The following ATXN2 variants were observed in gnomAD, a reference collection of about 807,000 sequenced individuals.
ATXN2 encodes ataxin 2.
ATXN2 carries 37 observed loss-of-function variants against 138.6 expected under a neutral mutation model. The observed-to-expected ratio is 0.27, with a 90% CI of 0.21 to 0.35. The LOEUF (loss-of-function observed/expected upper bound fraction) is 0.35. ATXN2 is among the 10% of genes least tolerant of loss of function. The pLI is 1.00. For synonymous variants in ATXN2, 549 were observed against 543.7 expected, an observed-to-expected ratio of 1.01 and a Z score of -0.13; for missense variants, 1,216 against 1,480.3, an observed-to-expected ratio of 0.82 and a Z score of 2.93.
At chr12:111,545,457 G>T (rs577323521) in intron 5 of ATXN2, among the ~76,000 whole-genome samples, 5 of 151,870 alleles carry the variant, frequency 3.3e-5, no homozygotes, top group Non-Finnish European at 7.4e-5. Flanking sequence ...TTAGCCGGGC[G>T]TGGTGGCAGG....
intron 3 of ATXN2, 91 bp downstream of exon 3, chr12:111,554,067 A>T: frequency 1.2e-6 from 1 of 856,760 alleles, no homozygotes; most frequent in Non-Finnish European, 1.8e-6. Flanking sequence ...AAGCAATGTT[A>T]CTTTGACAAT....
intron 1 of ATXN2, among the ~76,000 whole-genome samples, chr12:111,578,500 C>A (rs1883809527): frequency 6.6e-6 from 1 of 152,148 alleles, no homozygotes; most frequent in Admixed American, 6.6e-5. Context: ...ACATGCTATA[C>A]AGATTTGTAG....
chr12:111,547,353 G>A (rs943046987), intron 5 of ATXN2, among the ~76,000 whole-genome samples: 1 of 152,074 alleles, frequency 6.6e-6, no homozygotes, highest in African/African-American at 2.4e-5. Flanking sequence ...CTTGAACCTA[G>A]GAAGCAGAGG....
chr12:111,554,286 T>A, intron 2 of ATXN2, 69 bp from the exon 3 acceptor site: 1 of 1,131,698 alleles, frequency 8.8e-7, no homozygotes, highest in African/African-American at 1.6e-5. Flanking sequence ...TCTAAAATGC[T>A]TGGGACCAGA....
At chr12:111,523,651 A>C (rs1347179408) in intron 6 of ATXN2, among the ~76,000 whole-genome samples, 1 of 152,038 alleles carries the variant, frequency 6.6e-6, no homozygotes, top group Non-Finnish European at 1.5e-5. Flanking sequence ...ACTTGAACCC[A>C]GGAGGTGGAG....
chr12:111,561,250 T>C (rs1421031461), intron 1 of ATXN2, among the ~76,000 whole-genome samples: 1 of 151,360 alleles, frequency 6.6e-6, no homozygotes. Context: ...TCCCAGCACT[T>C]TGGGAGGCCA....
At chr12:111,521,020 C>T (rs1379257756) in intron 6 of ATXN2, 47 bp from the exon 7 acceptor site, 1 of 1,231,236 alleles carries the variant, frequency 8.1e-7, no homozygotes, top group Non-Finnish European at 1.2e-6. Context: ...AGTAGTTGTT[C>T]CCTTTCATTC....
chr12:111,588,030 C>G (rs1190088992), intron 1 of ATXN2, among the ~76,000 whole-genome samples: 1 of 151,614 alleles, frequency 6.6e-6, no homozygotes, highest in African/African-American at 2.4e-5. Context: ...ACTGAAAATA[C>G]AAAAAAACTA....
chr12:111,598,730 C>G lies in ATXN2; in HGVS notation c.251+54G>C. The G allele has an allele frequency of 1.8e-6, 2 of 1,091,156 alleles. No homozygotes were observed. Among genetic ancestry groups the G allele is most frequent in the Non-Finnish European group, 2.3e-6 (2 of 885,972 alleles). 67.6% of individuals were successfully genotyped at this position (1,091,156 alleles called of 1,614,324 possible). ...GGGGCGGGGACGGCGGCGCGGGCCG[C>G]GGGGGAGGGGACGCCGGGCCCGGAG... On this transcript the variant is annotated intron_variant, in intron 1 of 24. Coordinates refer to ENST00000673436, the MANE Select transcript of ATXN2 (RefSeq NM_001372574.1). The surrounding 1 kb of genome is among the most constrained non-coding windows in gnomAD (Gnocchi z 4.5).
chr12:111,516,313 G>A lies in ATXN2; in HGVS notation c.1216C>T (p.Arg406Cys), dbSNP rs767463925. 9 of 1,584,596 alleles carry A rather than the reference G, an allele frequency of 5.7e-6. No homozygotes were observed. Among genetic ancestry groups the A allele is most frequent in the African/African-American group, 2.7e-5 (2 of 72,858 alleles). Residue 406 changes from arginine to cysteine, a missense_variant, in exon 10 of 25, where the codon CGC (arginine) becomes TGC (cysteine). Around this residue, in one of 4 missense-constraint regions of ATXN2, gnomAD observed 401 missense variants for 528.1 expected, o/e 0.76. Transcript: ENST00000673436. This position sits in a 1 kb window ranked among gnomAD's most constrained non-coding sequence, Gnocchi z 5.0. ...CPSPSSRPPS[R>C]YQSGPNSLPP... ...AGAGAGTTGGGACCTGACTGGTAGC[G>A]AGAAGGTGGGCGAGAGGAAGGAGAT... is the stretch of plus-strand genomic sequence containing the variant.
chr12:111,496,454 T>C (rs888913078), intron 14 of ATXN2, among the ~76,000 whole-genome samples: 1 of 151,956 alleles, frequency 6.6e-6, no homozygotes, highest in African/African-American at 2.4e-5. Flanking sequence ...AAGAATCACT[T>C]GAACTGGGGA....
intron 5 of ATXN2, among the ~76,000 whole-genome samples, chr12:111,530,749 G>C (rs1299726420): frequency 1.3e-5 from 2 of 152,196 alleles, no homozygotes; most frequent in Non-Finnish European, 2.9e-5. Flanking sequence ...GGGAGGCAGA[G>C]CTTGCAGTGA....
intron 5 of ATXN2, among the ~76,000 whole-genome samples, chr12:111,537,417 T>A (rs1393812436): frequency 6.6e-6 from 1 of 151,290 alleles, no homozygotes; most frequent in Non-Finnish European, 1.5e-5. Flanking sequence ...CAACCCCGTC[T>A]TTACTAAAAA....
At chr12:111,494,425 C>CTTT (rs757341708) in intron 14 of ATXN2, among the ~76,000 whole-genome samples, 2 of 133,750 alleles carry the variant, frequency 1.5e-5, no homozygotes, top group African/African-American at 2.7e-5. Context: ...TATGTGATCT[C>CTTT]TTTTTTTTTT....
At chr12:111,492,882 C>G (rs1196577113) in intron 14 of ATXN2, among the ~76,000 whole-genome samples, 1 of 152,074 alleles carries the variant, frequency 6.6e-6, no homozygotes, top group Non-Finnish European at 1.5e-5. Context: ...TGTGAACTTT[C>G]AGACAGAATT....
rs1176399532 is a variant in ATXN2 at position 111,516,621 on chromosome 12, T to C, written c.1166-258A>G. Among the ~76,000 whole-genome samples, 3 of 152,204 alleles carry C rather than the reference T, an allele frequency of 2.0e-5. No individual in the cohort carries two copies. Among genetic ancestry groups the C allele is most frequent in the Non-Finnish European group, 4.4e-5 (3 of 68,026 alleles). On this transcript the variant is annotated intron_variant, in intron 9 of 24. Transcript: ENST00000673436. The surrounding 1 kb of genome is among the most constrained non-coding windows in gnomAD (Gnocchi z 5.0). The stretch of plus-strand genomic sequence containing the variant: ...GGTTAATTAGGATCTATACACACTA[T>C]TGAAGAAGACAGTTAAGACTTTGCC...
intron 5 of ATXN2, among the ~76,000 whole-genome samples, chr12:111,537,134 CAAAAG>C (rs1881233205): frequency 6.6e-6 from 1 of 151,824 alleles, no homozygotes; most frequent in Non-Finnish European, 1.5e-5. Context: ...ATGTATAAAT[CAAAAG>C]GTGGAAACAA....
chr12:111,553,988 G>A (rs559179879), intron 3 of ATXN2, among the ~76,000 whole-genome samples, 170 bp downstream of exon 3: 2 of 152,046 alleles, frequency 1.3e-5, no homozygotes, highest in Non-Finnish European at 2.9e-5. Context: ...CTTTTACAAT[G>A]AATTATATTA....
At chr12:111,532,331 T>A (rs1055972371) in intron 5 of ATXN2, among the ~76,000 whole-genome samples, 1 of 148,848 alleles carries the variant, frequency 6.7e-6, no homozygotes, top group Non-Finnish European at 1.5e-5. Flanking sequence ...AATACAAACA[T>A]TAGCTAGGCG....
Sources: gnomAD v4.1 joint callset for allele counts (sites outside exome capture counted in the v4.1 genomes callset) on GRCh38, gnomAD v4.1.1 for gene constraint, gnomAD v4.1.1 regional missense constraint, Gnocchi (gnomAD v3.1) non-coding constraint, MANE v1.5 for transcripts, NCBI Gene and HGNC (gene_info 2026-07-23, HGNC 2026-07-21) for gene names.